RCL1: variants seen among roughly 807,000 people sequenced by gnomAD.
RCL1 encodes the protein RNA terminal phosphate cyclase like 1, also known as RNA 3'-terminal phosphate cyclase-like protein.
Under a neutral mutation model 42.4 loss-of-function variants are expected in RCL1, and 24 were observed. The observed-to-expected ratio is 0.57, with a 90% CI of 0.41 to 0.80. The LOEUF is 0.80. RCL1 is among the 30% of genes least tolerant of loss of function. The probability of loss-of-function intolerance (pLI) is 0.00; values close to 1 mark genes in which losing one functional copy is unlikely to be tolerated. For missense variants in RCL1, 578 were observed against 467.9 expected (o/e 1.24, Z -2.17); for synonymous variants, 228 against 177.3 (o/e 1.29, Z -2.27).
intron 1 of RCL1, among the ~76,000 whole-genome samples, chr9:4,821,157 C>G (rs1176209913): frequency 6.6e-6 from 1 of 152,228 alleles, no homozygotes; most frequent in Admixed American, 6.5e-5. Context: ...TGTGTAGTAG[C>G]TTATGCCTGT....
chr9:4,792,948 C>A lies in RCL1; in HGVS notation c.-144C>A. On this transcript the variant is annotated 5_prime_UTR_variant, in exon 1 of 9. Coordinates refer to ENST00000381750, the MANE Select transcript of RCL1 (RefSeq NM_005772.5). Reference sequence around the variant, plus strand: ...GTCTCTCCGTCTTCCTGTTCCAAACCACGTGGACGCGTCTGGGCTGCTGGA... The same window carrying A: ...GTCTCTCCGTCTTCCTGTTCCAAACAACGTGGACGCGTCTGGGCTGCTGGA... 1 of 824,662 alleles carries A rather than the reference C, an allele frequency of 1.2e-6. No homozygotes were observed. The highest frequency in any genetic ancestry group is 1.8e-6 in the Non-Finnish European group (1 of 555,876). The allele number at this position is 824,662 out of a possible 1,614,324, so 51.1% of individuals were successfully genotyped here. A position where few individuals can be genotyped will look rare whatever the true frequency, so the allele number is the denominator to read the frequency against.
chr9:4,852,820 G>T (rs189608374), intron 8 of RCL1, among the ~76,000 whole-genome samples: 2 of 151,352 alleles, frequency 1.3e-5, no homozygotes, highest in East Asian at 3.9e-4. Context: ...CCCAGAGGCA[G>T]TGTGGCTAGA....
rs190443197 is a variant in RCL1, at chr9:4,843,823, T to G, written c.711-702T>G. Among the ~76,000 whole-genome samples, 376 of 152,298 alleles carry G rather than the reference T, an allele frequency of 2.5e-3. 1 individual carries two copies. Among genetic ancestry groups the G allele is most frequent in the Non-Finnish European group, 4.0e-3 (270 of 68,026 alleles). On this transcript the variant is annotated intron_variant, in intron 6 of 8. Coordinates refer to ENST00000381750, the MANE Select transcript of RCL1 (RefSeq NM_005772.5). ...CTGGACACCCTCTCACTTCTGCTGG[T>G]CAGGTGACTCAAAGGCAATTTGGGA...
intron 8 of RCL1, among the ~76,000 whole-genome samples, chr9:4,851,901 G>C (rs999475518): frequency 5.5e-4 from 3 of 5,476 alleles, no homozygotes; most frequent in African/African-American, 8.5e-4. Flanking sequence ...TTTTTTTTGA[G>C]ACAGAGTTTC....
intron 1 of RCL1, chr9:4,804,185 G>C (rs893826792): frequency 6.5e-6 from 1 of 152,840 alleles, no homozygotes; most frequent in African/African-American, 2.4e-5. Flanking sequence ...AAGCCCAGGG[G>C]AGCAGCAGCA....
At chr9:4,808,364 G>A (rs888924139) in intron 1 of RCL1, among the ~76,000 whole-genome samples, 1 of 152,062 alleles carries the variant, frequency 6.6e-6, no homozygotes, top group South Asian at 2.1e-4. Flanking sequence ...CTGGAGTGCA[G>A]TGGTGTGATC....
At chr9:4,799,472 C>G (rs139520820) in intron 1 of RCL1, among the ~76,000 whole-genome samples, 2 of 152,148 alleles carry the variant, frequency 1.3e-5, no homozygotes, top group Non-Finnish European at 2.9e-5. Context: ...GACATTGATA[C>G]AGTGAGATAC....
At chr9:4,793,709 T>A (rs1442727668) in intron 1 of RCL1, among the ~76,000 whole-genome samples, 1 of 152,234 alleles carries the variant, frequency 6.6e-6, no homozygotes, top group African/African-American at 2.4e-5. Context: ...ACACCGGCTG[T>A]TCCTGTCGCC....
At chr9:4,828,120 A>G (rs1307247305) in intron 3 of RCL1, among the ~76,000 whole-genome samples, 1 of 145,684 alleles carries the variant, frequency 6.9e-6, no homozygotes, top group Non-Finnish European at 1.5e-5. Context: ...TGGGAGGCAG[A>G]GCTTGCAGTG....
At chr9:4,850,858 G>A (rs1018692173) in intron 8 of RCL1, among the ~76,000 whole-genome samples, 23 of 152,090 alleles carry the variant, frequency 1.5e-4, no homozygotes, top group Non-Finnish European at 2.6e-4. Flanking sequence ...CTTTGTAGCT[G>A]GGCTCGTAGC....
At chr9:4,823,824 A>T (rs1363131553) in intron 2 of RCL1, among the ~76,000 whole-genome samples, 1 of 152,114 alleles carries the variant, frequency 6.6e-6, no homozygotes, top group African/African-American at 2.4e-5. Context: ...GGGGGGACTT[A>T]TATGAGGAAC....
At chr9:4,831,626 A>G (rs1050648471) in intron 3 of RCL1, among the ~76,000 whole-genome samples, 2 of 131,132 alleles carry the variant, frequency 1.5e-5, no homozygotes, top group Non-Finnish European at 3.5e-5. Context: ...ACAGGCGTGC[A>G]GCATGCCCAG....
chr9:4,811,215 G>C (rs1229459778), intron 1 of RCL1, among the ~76,000 whole-genome samples: 4 of 151,174 alleles, frequency 2.6e-5, no homozygotes, highest in African/African-American at 9.7e-5. Flanking sequence ...CCAGGAGTTG[G>C]AGGTTGCAGT....
intron 1 of RCL1, among the ~76,000 whole-genome samples, chr9:4,801,172 G>A (rs982727635): frequency 6.6e-6 from 1 of 152,124 alleles, no homozygotes; most frequent in Non-Finnish European, 1.5e-5. Flanking sequence ...TGTATTAACT[G>A]TTTTGTTTTG....
chr9:4,860,024 C>G, intron 8 of RCL1, 101 bp from the exon 9 acceptor site: 1 of 768,814 alleles, frequency 1.3e-6, no homozygotes, highest in East Asian at 2.8e-5. Context: ...CTTCAGCCCT[C>G]TAGGTCTGGG....
intron 1 of RCL1, among the ~76,000 whole-genome samples, chr9:4,797,914 C>T (rs752057413): frequency 9.2e-5 from 14 of 152,136 alleles, no homozygotes; most frequent in Non-Finnish European, 2.1e-4. Flanking sequence ...TTATAATTGT[C>T]CAGCCACATG....
intron 7 of RCL1, 23 bp from the exon 8 acceptor site, chr9:4,849,424 C>G (rs1376765657): frequency 1.3e-6 from 2 of 1,576,046 alleles, no homozygotes; most frequent in Non-Finnish European, 1.7e-6. Context: ...CTGGTTTGTA[C>G]AATTATTAAT....
intron 1 of RCL1, among the ~76,000 whole-genome samples, chr9:4,814,451 G>A (rs1816300465): frequency 6.6e-6 from 1 of 152,002 alleles, no homozygotes; most frequent in African/African-American, 2.4e-5. Flanking sequence ...ATTTTTTGTA[G>A]AGATGGCGGT....
intron 1 of RCL1, among the ~76,000 whole-genome samples, chr9:4,820,534 C>T (rs1416474348): frequency 6.6e-6 from 1 of 152,004 alleles, no homozygotes; most frequent in Non-Finnish European, 1.5e-5. Context: ...TGTAAGAGTC[C>T]GTGTGGATTG....
Sources: allele counts gnomAD v4.1 joint callset (sites outside exome capture counted in the v4.1 genomes callset), GRCh38; gene constraint gnomAD v4.1.1; transcripts MANE v1.5; gene names NCBI Gene and HGNC (gene_info 2026-07-23, HGNC 2026-07-21).